The following SORCS2 variants were observed in gnomAD, a reference collection of about 807,000 sequenced individuals.
SORCS2 encodes the protein VPS10 domain-containing receptor SorCS2.
In SORCS2, 100 loss-of-function variants were observed where a neutral mutation model predicts 141.6. That is an observed-to-expected ratio of 0.71 (90% confidence interval 0.60 to 0.83). The LOEUF is 0.83. SORCS2 is among the 40% of genes least tolerant of loss of function. The pLI, the probability that SORCS2 is intolerant of heterozygous loss-of-function variation, is 0.00. For missense variants in SORCS2, 1,646 were observed against 1,560.2 expected (o/e 1.05, Z -0.93); for synonymous variants, 789 against 676.9 (o/e 1.17, Z -2.57).
chr4:7,260,704 G>A (rs1176172633), intron 1 of SORCS2, among the ~76,000 whole-genome samples: 1 of 152,176 alleles, frequency 6.6e-6, no homozygotes, highest in Non-Finnish European at 1.5e-5. Flanking sequence ...AAAGTCAGTG[G>A]CAACTCAGGG....
rs549196263 is a variant in SORCS2 at position 7,678,677 on chromosome 4, C to T, written c.1341+2448C>T. Among the ~76,000 whole-genome samples, 5 of 150,758 alleles carry T rather than the reference C, an allele frequency of 3.3e-5. No individual in the cohort carries two copies. The South Asian group carries it at 8.4e-4, about 25-fold the overall frequency. On this transcript the variant is annotated intron_variant, in intron 9 of 26. Coordinates refer to ENST00000507866, the MANE Select transcript of SORCS2 (RefSeq NM_020777.3). Reference sequence around the variant, plus strand: ...AGGAAGCAAGAAGCCAGAAGAGGTTCGCAGTGGCCCGGTTCAAAGGTGACA... The same window carrying T: ...AGGAAGCAAGAAGCCAGAAGAGGTTTGCAGTGGCCCGGTTCAAAGGTGACA...
intron 2 of SORCS2, among the ~76,000 whole-genome samples, chr4:7,466,514 T>C (rs1212842939): frequency 6.6e-6 from 1 of 152,114 alleles, no homozygotes; most frequent in Non-Finnish European, 1.5e-5. Context: ...CTGTGTCATC[T>C]CTAACACAGG....
At chr4:7,311,639 T>C (rs1291398051) in intron 1 of SORCS2, among the ~76,000 whole-genome samples, 3 of 152,226 alleles carry the variant, frequency 2.0e-5, no homozygotes, top group African/African-American at 4.8e-5. Flanking sequence ...ATTTCCGTGA[T>C]GATGAATGAT....
intron 1 of SORCS2, among the ~76,000 whole-genome samples, chr4:7,244,304 G>A (rs1485151338): frequency 1.3e-5 from 2 of 152,206 alleles, no homozygotes; most frequent in African/African-American, 4.8e-5. Context: ...CACTCCCCCC[G>A]AGTGGTTATT....
intron 1 of SORCS2, among the ~76,000 whole-genome samples, chr4:7,370,847 G>T (rs1577457940): frequency 6.6e-6 from 1 of 152,162 alleles, no homozygotes; most frequent in South Asian, 2.1e-4. Flanking sequence ...ACCGGCTTTT[G>T]CTTTGCTCTC....
rs745882553 is a variant in SORCS2, at chr4:7,726,854, C to T, written c.2820C>T (p.Ala940=). The change falls in exon 21 of 27, where the codon GCC becomes GCT. Residue 940 remains alanine, a synonymous_variant. Coordinates refer to ENST00000507866, the MANE Select transcript of SORCS2 (RefSeq NM_020777.3). ...DTGDVRVTVQ[A]ACGNSVLQDS... is the part of the protein sequence containing the mutation. ...GCGACGTGCGTGTGACGGTGCAGGC[C>T]GCCTGTGGGAACTCGGTGCTGCAGG... is the stretch of plus-strand genomic sequence containing the variant. 29 of 1,613,750 alleles carry T rather than the reference C, an allele frequency of 1.8e-5. No individual in the cohort carries two copies. Among genetic ancestry groups the T allele is most frequent in the East Asian group, 6.7e-5 (3 of 44,888 alleles).
chr4:7,733,220 G>A (rs918433203), intron 23 of SORCS2, 102 bp from the exon 24 acceptor site: 14 of 695,908 alleles, frequency 2.0e-5, no homozygotes, highest in Admixed American at 3.9e-5. Flanking sequence ...CCAACACGTG[G>A]AGACCCCTCA....
At chr4:7,315,715 G>A (rs1718509046) in intron 1 of SORCS2, among the ~76,000 whole-genome samples, 1 of 152,166 alleles carries the variant, frequency 6.6e-6, no homozygotes, top group Non-Finnish European at 1.5e-5. Context: ...TTCTCCCTGT[G>A]AGGACTCTCT....
intron 1 of SORCS2, among the ~76,000 whole-genome samples, chr4:7,210,214 A>G (rs757551321): frequency 9.2e-5 from 14 of 152,210 alleles, no homozygotes; most frequent in Non-Finnish European, 1.8e-4. Flanking sequence ...GCCCCCGGTC[A>G]TCTTTGGCGC....
At chr4:7,512,855 G>A (rs1432183653) in intron 2 of SORCS2, among the ~76,000 whole-genome samples, 1 of 152,122 alleles carries the variant, frequency 6.6e-6, no homozygotes, top group East Asian at 1.9e-4. Flanking sequence ...GCGGAGGGCA[G>A]CTTCCTTCCA....
At chr4:7,530,480 C>T (rs192077334) in intron 2 of SORCS2, among the ~76,000 whole-genome samples, 76 of 152,328 alleles carry the variant, frequency 5.0e-4, no homozygotes, top group African/African-American at 1.7e-3. Context: ...AGGAGCCCCA[C>T]GGCCGTGTGT....
At chr4:7,697,325 C>G (rs900710171) in intron 12 of SORCS2, 51 bp downstream of exon 12, 4 of 1,437,152 alleles carry the variant, frequency 2.8e-6, no homozygotes, top group Non-Finnish European at 2.9e-6. Flanking sequence ...CAGCCGGGAC[C>G]CTCAGGAGAC....
At chr4:7,524,956 G>T (rs933171488) in intron 2 of SORCS2, among the ~76,000 whole-genome samples, 1 of 152,200 alleles carries the variant, frequency 6.6e-6, no homozygotes, top group Non-Finnish European at 1.5e-5. Flanking sequence ...AGCACCCCTG[G>T]TCTGCAACAG....
At chr4:7,626,598 CAT>C (rs1428552339) in intron 3 of SORCS2, among the ~76,000 whole-genome samples, 1 of 152,204 alleles carries the variant, frequency 6.6e-6, no homozygotes, top group Non-Finnish European at 1.5e-5. Context: ...TTGTGTGTAT[CAT>C]ATGTGTGTAC....
intron 2 of SORCS2, among the ~76,000 whole-genome samples, chr4:7,462,177 G>A (rs533826739): frequency 6.6e-6 from 1 of 152,244 alleles, no homozygotes; most frequent in East Asian, 1.9e-4. Context: ...GCTGACATTT[G>A]TTAAGGCTGT....
chr4:7,298,872 C>A (rs566792047), intron 1 of SORCS2, among the ~76,000 whole-genome samples: 1 of 152,214 alleles, frequency 6.6e-6, no homozygotes, highest in South Asian at 2.1e-4. Context: ...CAGAGCCTGG[C>A]GGAATCAGCC....
chr4:7,283,841 G>A (rs1214935461), intron 1 of SORCS2, among the ~76,000 whole-genome samples: 1 of 152,088 alleles, frequency 6.6e-6, no homozygotes, highest in Non-Finnish European at 1.5e-5. Flanking sequence ...AGAACCTGGG[G>A]AGCCTTGGGC....
At chr4:7,435,079 C>T (rs1727208374) in intron 2 of SORCS2, 2 of 594,092 alleles carry the variant, frequency 3.4e-6, no homozygotes, top group South Asian at 4.8e-5. Flanking sequence ...CTATCCCTCC[C>T]CTCTTTTCCC....
chr4:7,207,124 C>T (rs756094454), intron 1 of SORCS2, among the ~76,000 whole-genome samples: 1 of 152,214 alleles, frequency 6.6e-6, no homozygotes, highest in Non-Finnish European at 1.5e-5. Context: ...GGGCCAGCTT[C>T]AGAGGAATCA....
Sources: gnomAD v4.1 joint callset for allele counts (sites outside exome capture counted in the v4.1 genomes callset) on GRCh38, gnomAD v4.1.1 for gene constraint, MANE v1.5 for transcripts, NCBI Gene and HGNC (gene_info 2026-07-23, HGNC 2026-07-21) for gene names.